The following PLCG1 variants were observed in gnomAD, a reference collection of about 807,000 sequenced individuals.
The protein encoded by PLCG1 is phospholipase C gamma 1.
In PLCG1, 71 loss-of-function variants were observed where a neutral mutation model predicts 177.8. The ratio of observed to expected loss-of-function variants is 0.40; its 90% confidence interval spans 0.33 to 0.49. The LOEUF (loss-of-function observed/expected upper bound fraction) is 0.49. Ranked by LOEUF, PLCG1 falls within the 20% of genes least tolerant of loss-of-function variation. The probability of loss-of-function intolerance (pLI) is 0.72; values close to 1 mark genes in which losing one functional copy is unlikely to be tolerated. For missense variants in PLCG1, 1,281 were observed against 1,709.0 expected, an observed-to-expected ratio of 0.75 and a Z score of 4.42; for synonymous variants, 658 against 647.9, an observed-to-expected ratio of 1.02 and a Z score of -0.24.
In PLCG1 at chr20:41,163,629, A is replaced by G; in HGVS notation, c.892-86A>G. On this transcript the variant is annotated intron_variant, in intron 9 of 31. Coordinates refer to ENST00000685551, the MANE Select transcript of PLCG1 (RefSeq NM_002660.3). The surrounding 1 kb of genome is among the most constrained non-coding windows in gnomAD (Gnocchi z 5.2). ...TGCCCACCCCCAGTTGGGACAGAGCACTCTCTCTCCTACCCCCAACCTACC... is the reference window on the plus strand; with the variant it reads ...TGCCCACCCCCAGTTGGGACAGAGCGCTCTCTCTCCTACCCCCAACCTACC... 4 of 1,096,312 alleles carry G rather than the reference A, an allele frequency of 3.6e-6. No homozygotes were observed. Among genetic ancestry groups the G allele is most frequent in the Non-Finnish European group, 5.6e-6 (4 of 714,370 alleles). The allele number at this position is 1,096,312 out of a possible 1,614,324, so 67.9% of individuals were successfully genotyped here.
rs1483679812 is a variant in PLCG1 at position 41,163,563 on chromosome 20, C to T, written c.891+84C>T. The T allele has an allele frequency of 9.7e-6, 11 of 1,138,474 alleles. No individual in the cohort carries two copies. Among genetic ancestry groups the T allele is most frequent in the South Asian group, 1.2e-5 (1 of 81,328 alleles). 70.5% of individuals were successfully genotyped at this position (1,138,474 alleles called of 1,614,324 possible). On this transcript the variant is annotated intron_variant, in intron 9 of 31. Transcript: ENST00000685551. This position sits in a 1 kb window ranked among gnomAD's most constrained non-coding sequence, Gnocchi z 5.2. Reference sequence around the variant, plus strand: ...CCACCCGGGCTCCAGGAGCTAGACGCTCCTTAGGGATGCCACCTTGTTTCT... The same window carrying T: ...CCACCCGGGCTCCAGGAGCTAGACGTTCCTTAGGGATGCCACCTTGTTTCT...
At chr20:41,170,428 C>T (rs1339546172) in intron 24 of PLCG1, 159 bp downstream of exon 24, 1 of 677,274 alleles carries the variant, frequency 1.5e-6, no homozygotes, top group South Asian at 1.9e-5. Flanking sequence ...TGAGAAGAAA[C>T]AGACACATAA....
Position 41,177,111 on chromosome 20 carries a change from G to A in PLCG1, c.*2602G>A, listed in dbSNP as rs551768008. The A allele has an allele frequency of 6.6e-6, 1 of 152,386 alleles. No individual in the cohort carries two copies. Among genetic ancestry groups the A allele is most frequent in the South Asian group, 2.1e-4 (1 of 4,832 alleles). The allele number at this position is 152,386 out of a possible 1,614,324, so 9.4% of individuals were successfully genotyped here. The stretch of plus-strand genomic sequence containing the variant: ...AAAGAGCAGGCAGGGCCGGGAGAGG[G>A]AAGTCAGTGGTACCAGAAGGTAGAT... On this transcript the variant is annotated 3_prime_UTR_variant, in exon 32 of 32. Coordinates refer to ENST00000685551, the MANE Select transcript of PLCG1 (RefSeq NM_002660.3).
rs958226642 is a variant in PLCG1, at chr20:41,156,522, C to T, written c.218-3084C>T. Among the ~76,000 whole-genome samples the T allele has an allele frequency of 6.6e-6, 1 of 152,120 alleles. No individual in the cohort carries two copies. Among genetic ancestry groups the T allele is most frequent in the Non-Finnish European group, 1.5e-5 (1 of 68,014 alleles). On this transcript the variant is annotated intron_variant, in intron 1 of 31. Coordinates refer to ENST00000685551, the MANE Select transcript of PLCG1 (RefSeq NM_002660.3). This position sits in a 1 kb window ranked among gnomAD's most constrained non-coding sequence, Gnocchi z 5.0. The stretch of plus-strand genomic sequence containing the variant: ...GCTTCTGGGCTGCTACTTGTGGGAT[C>T]CTGCCCTTGTTCTCAAAGAGTTCCT...
chr20:41,168,473 C>G (rs896446934), intron 20 of PLCG1, among the ~76,000 whole-genome samples: 2 of 152,246 alleles, frequency 1.3e-5, no homozygotes, highest in Admixed American at 1.3e-4. Context: ...GCCCTGACTC[C>G]TGGGAGCGGA....
Position 41,172,922 on chromosome 20 carries a change from T to TGCC in PLCG1, c.3279+47_3279+49dup, listed in dbSNP as rs1233820395. The TGCC allele has an allele frequency of 1.9e-6, 3 of 1,595,544 alleles. No homozygotes were observed. Among genetic ancestry groups the TGCC allele is most frequent in the Non-Finnish European group, 2.6e-6 (3 of 1,168,280 alleles). ...GCTTCAGGGTAGGAAAGGGGCTGCT[T>TGCC]GCCGTTGGAGTCTGTTTATGTTGAG... On this transcript the variant is annotated intron_variant, in intron 27 of 31. Coordinates refer to ENST00000685551, the MANE Select transcript of PLCG1 (RefSeq NM_002660.3). This position sits in a 1 kb window ranked among gnomAD's most constrained non-coding sequence, Gnocchi z 7.0.
chr20:41,165,368 G>A lies in PLCG1; in HGVS notation c.1509+1G>A, dbSNP rs766421086. ...CTACCTGGAGGACCCTGTGAACCAC[G>A]TGAGGACTGGGCCAGGCTGGGGGTG... On this transcript the variant is annotated splice_donor_variant, in intron 14 of 31. Transcript: ENST00000685551. LOFTEE classifies it high-confidence loss of function. The surrounding 1 kb of genome is among the most constrained non-coding windows in gnomAD (Gnocchi z 6.6). 3 of 1,614,190 alleles carry A rather than the reference G, an allele frequency of 1.9e-6. No homozygotes were observed. Among genetic ancestry groups the A allele is most frequent in the African/African-American group, 2.7e-5 (2 of 75,060 alleles).
rs2035328864 is a variant in PLCG1 at position 41,156,582 on chromosome 20, C to A, written c.218-3024C>A. Among the ~76,000 whole-genome samples, 7 of 152,200 alleles carry A rather than the reference C, an allele frequency of 4.6e-5. No individual in the cohort carries two copies. The highest frequency in any genetic ancestry group is 4.6e-4 in the Admixed American group (7 of 15,290). ...TGCCCCATCTTCTTCATAGTGACGG[C>A]CTCTTCGTACCCCTGGCTTTTCTTT... On this transcript the variant is annotated intron_variant, in intron 1 of 31. Transcript: ENST00000685551. The surrounding 1 kb of genome is among the most constrained non-coding windows in gnomAD (Gnocchi z 5.0).
chr20:41,154,175 T>C (rs1461754275), intron 1 of PLCG1, among the ~76,000 whole-genome samples: 1 of 152,196 alleles, frequency 6.6e-6, no homozygotes, highest in Non-Finnish European at 1.5e-5. Context: ...CCAGTGCTTT[T>C]GTTCATAATA....
rs1307151534 is a variant in PLCG1 at position 41,144,511 on chromosome 20, C to T, written c.217+6653C>T. Among the ~76,000 whole-genome samples the T allele has an allele frequency of 6.6e-6, 1 of 152,134 alleles. No individual in the cohort carries two copies. Among genetic ancestry groups the T allele is most frequent in the Admixed American group, 6.5e-5 (1 of 15,274 alleles). ...GCCCACCCAGACCTTTCCCACACTCCTACATGGGGGTGAATGTAGCCGCTG... is the reference window on the plus strand; with the variant it reads ...GCCCACCCAGACCTTTCCCACACTCTTACATGGGGGTGAATGTAGCCGCTG... On this transcript the variant is annotated intron_variant, in intron 1 of 31. Coordinates refer to ENST00000685551, the MANE Select transcript of PLCG1 (RefSeq NM_002660.3). The surrounding 1 kb of genome is among the most constrained non-coding windows in gnomAD (Gnocchi z 4.1).
Position 41,169,091 on chromosome 20 carries a change from C to T in PLCG1, c.2496C>T (p.Asp832=). The T allele has an allele frequency of 5.0e-6, 8 of 1,613,656 alleles. No homozygotes were observed. The highest frequency in any genetic ancestry group is 6.8e-6 in the Non-Finnish European group (8 of 1,179,540). The change falls in exon 22 of 32, where the codon GAC becomes GAT. Residue 832 remains aspartate, a synonymous_variant. Transcript: ENST00000685551. ...EKQEGGWWRG[D]YGGKKQLWFP... ...GTGGCTCCCACAGGTGGCGAGGGGACTACGGAGGGAAGAAGCAGCTGTGGT... is the reference window on the plus strand; with the variant it reads ...GTGGCTCCCACAGGTGGCGAGGGGATTACGGAGGGAAGAAGCAGCTGTGGT...
Position 41,141,655 on chromosome 20 carries a change from G to T in PLCG1, c.217+3797G>T, listed in dbSNP as rs532258277. Among the ~76,000 whole-genome samples, 65 of 152,390 alleles carry T rather than the reference G, an allele frequency of 4.3e-4. 1 individual carries two copies. The highest frequency in any genetic ancestry group is 1.4e-3 in the African/African-American group (60 of 41,600). ...TCCAGAGCTAGCCATCCCTGCCTGT[G>T]TATTTCCTGTCTGATGTAGTTTTTT... On this transcript the variant is annotated intron_variant, in intron 1 of 31. Coordinates refer to ENST00000685551, the MANE Select transcript of PLCG1 (RefSeq NM_002660.3).
intron 24 of PLCG1, chr20:41,170,547 A>G (rs915570106): frequency 1.1e-5 from 4 of 369,862 alleles, no homozygotes; most frequent in African/African-American, 6.2e-5. Flanking sequence ...GTAAGAGGAG[A>G]AGTCCTGGGC....
At position 41,166,121 on chromosome 20, in the gene PLCG1, AT is replaced by A; in HGVS notation, c.1800-70del. ...GGCTCCCTCCTTGAGTTCCACCCTCATTTGGGGTGGAACTTGGTCTTTGGGG... is the reference window on the plus strand; with the variant it reads ...GGCTCCCTCCTTGAGTTCCACCCTCATTGGGGTGGAACTTGGTCTTTGGGG... On this transcript the variant is annotated intron_variant, in intron 16 of 31. Coordinates refer to ENST00000685551, the MANE Select transcript of PLCG1 (RefSeq NM_002660.3). The surrounding 1 kb of genome is among the most constrained non-coding windows in gnomAD (Gnocchi z 8.6). 7.4e-7 allele frequency: 1 copy of A among 1,359,324 alleles called. No homozygotes were observed. Among genetic ancestry groups the A allele is most frequent in the Middle Eastern group, 1.8e-4 (1 of 5,556 alleles). 84.2% of individuals were successfully genotyped at this position (1,359,324 alleles called of 1,614,324 possible).
In PLCG1 at chr20:41,167,720, G is replaced by A; in HGVS notation, c.2302-132G>A. ...GGCCTCTGAAGCCGTCTCTACTGAGGTCGAAGGATCCCTGTGGATCAGGTG... is the reference window on the plus strand; with the variant it reads ...GGCCTCTGAAGCCGTCTCTACTGAGATCGAAGGATCCCTGTGGATCAGGTG... On this transcript the variant is annotated intron_variant, in intron 19 of 31. Coordinates refer to ENST00000685551, the MANE Select transcript of PLCG1 (RefSeq NM_002660.3). This position sits in a 1 kb window ranked among gnomAD's most constrained non-coding sequence, Gnocchi z 4.4. The A allele has an allele frequency of 1.5e-6, 1 of 680,738 alleles. No homozygotes were observed. The highest frequency in any genetic ancestry group is 2.7e-6 in the Non-Finnish European group (1 of 374,852). 42.2% of individuals were successfully genotyped at this position (680,738 alleles called of 1,614,324 possible). A position where few individuals can be genotyped will look rare whatever the true frequency, so the allele number is the denominator to read the frequency against.
intron 23 of PLCG1, 62 bp downstream of exon 23, chr20:41,169,588 C>G: frequency 7.7e-7 from 1 of 1,295,378 alleles, no homozygotes; most frequent in South Asian, 1.2e-5. Flanking sequence ...CTTTGTATCT[C>G]TTTCCTGCTC....
chr20:41,162,240 T>G (rs1259756536), intron 4 of PLCG1: 73 of 277,780 alleles, frequency 2.6e-4, no homozygotes, highest in South Asian at 2.1e-3. Context: ...TTTTTGTTTT[T>G]TTTTTTTTTT....
At chr20:41,145,678 C>T (rs2034974789) in intron 1 of PLCG1, among the ~76,000 whole-genome samples, 1 of 152,024 alleles carries the variant, frequency 6.6e-6, no homozygotes, top group Non-Finnish European at 1.5e-5. Context: ...CTAGAGACTT[C>T]TAGGGGGTGT....
intron 24 of PLCG1, chr20:41,170,634 A>G (rs758047032): frequency 5.1e-6 from 1 of 197,482 alleles, no homozygotes; most frequent in Non-Finnish European, 1.0e-5. Context: ...CTTGGGATGG[A>G]TTGAGAAGCT....
Sources: gnomAD v4.1 joint callset for allele counts (sites outside exome capture counted in the v4.1 genomes callset) on GRCh38, gnomAD v4.1.1 for gene constraint, Gnocchi (gnomAD v3.1) non-coding constraint, MANE v1.5 for transcripts, NCBI Gene and HGNC (gene_info 2026-07-23, HGNC 2026-07-21) for gene names.